The following FGF14 variants were observed in gnomAD, a reference collection of about 807,000 sequenced individuals.
The protein encoded by FGF14 is fibroblast growth factor homologous factor 4.
In FGF14, 5 loss-of-function variants were observed where a neutral mutation model predicts 25.5. The observed-to-expected ratio is 0.20, with a 90% CI of 0.10 to 0.41. The LOEUF (loss-of-function observed/expected upper bound fraction) is 0.41, where lower values mean the gene tolerates loss of function less well. Ranked by LOEUF, FGF14 falls within the 10% of genes least tolerant of loss-of-function variation. The pLI is 1.00. For missense variants in FGF14, 222 were observed against 320.1 expected (o/e 0.69, Z 2.34); for synonymous variants, 138 against 118.3 (o/e 1.17, Z -1.08).
intron 1 of FGF14, among the ~76,000 whole-genome samples, chr13:102,044,321 A>G (rs752254197): frequency 3.3e-5 from 5 of 151,898 alleles, no homozygotes; most frequent in Admixed American, 1.3e-4. Flanking sequence ...TTCCTTTCCT[A>G]TTGTTTCTCC....
At chr13:102,190,722 C>T (rs2049087360) in intron 1 of FGF14, among the ~76,000 whole-genome samples, 1 of 152,118 alleles carries the variant, frequency 6.6e-6, no homozygotes, top group South Asian at 2.1e-4. Flanking sequence ...TGCAAGAATG[C>T]TGCAGTGAAA....
chr13:101,907,613 GAGA>G (rs2032405075), intron 1 of FGF14, among the ~76,000 whole-genome samples: 1 of 152,170 alleles, frequency 6.6e-6, no homozygotes, highest in African/African-American at 2.4e-5. Flanking sequence ...GAGAGAATGG[GAGA>G]AGGATAGTTG....
At chr13:101,797,766 T>C (rs1272721898) in intron 3 of FGF14, among the ~76,000 whole-genome samples, 2 of 149,472 alleles carry the variant, frequency 1.3e-5, no homozygotes, top group African/African-American at 2.5e-5. Flanking sequence ...TGTGTGTGTG[T>C]GTGTGTGTGT....
At chr13:102,311,031 C>T (rs2055735630) in intron 1 of FGF14, among the ~76,000 whole-genome samples, 1 of 152,036 alleles carries the variant, frequency 6.6e-6, no homozygotes, top group South Asian at 2.1e-4. Flanking sequence ...TCAAAATTTA[C>T]ACACACATAC....
intron 1 of FGF14, among the ~76,000 whole-genome samples, chr13:101,940,068 T>C (rs1374092325): frequency 7.9e-5 from 12 of 152,220 alleles, no homozygotes; most frequent in African/African-American, 2.9e-4. Context: ...CTTGGCCAAG[T>C]CACCTCTCTG....
intron 1 of FGF14, among the ~76,000 whole-genome samples, chr13:101,940,532 G>A (rs1054551664): frequency 1.3e-5 from 2 of 152,096 alleles, no homozygotes; most frequent in African/African-American, 4.8e-5. Context: ...TTTTCTACTT[G>A]AACTACTTGA....
intron 1 of FGF14, among the ~76,000 whole-genome samples, chr13:102,123,920 C>T (rs573228292): frequency 2.0e-5 from 3 of 152,208 alleles, no homozygotes; most frequent in Admixed American, 6.5e-5. Context: ...GAAATACTGC[C>T]ATGCTTAAGA....
intron 1 of FGF14, among the ~76,000 whole-genome samples, chr13:102,208,382 T>A (rs1013932706): frequency 6.6e-6 from 1 of 152,204 alleles, no homozygotes; most frequent in African/African-American, 2.4e-5. Flanking sequence ...GGAGTCAAAG[T>A]ACACAGCATC....
At chr13:102,035,518 C>G (rs927714869) in intron 1 of FGF14, among the ~76,000 whole-genome samples, 8 of 152,088 alleles carry the variant, frequency 5.3e-5, no homozygotes, top group African/African-American at 1.7e-4. Flanking sequence ...CTACTGGTAC[C>G]ACTGGATGAC....
chr13:102,371,711 G>A (rs2057890548), intron 1 of FGF14, among the ~76,000 whole-genome samples: 2 of 152,116 alleles, frequency 1.3e-5, no homozygotes, highest in South Asian at 4.1e-4. Flanking sequence ...TAAATAAGAT[G>A]CTTACTTAAT....
chr13:101,747,743 A>G (rs2036981483), intron 3 of FGF14, among the ~76,000 whole-genome samples: 1 of 152,096 alleles, frequency 6.6e-6, no homozygotes, highest in African/African-American at 2.4e-5. Context: ...AAAGATTAAC[A>G]TGCAGAATCT....
intron 1 of FGF14, among the ~76,000 whole-genome samples, chr13:102,266,543 G>C (rs73569734): frequency 6.6e-6 from 1 of 151,970 alleles, no homozygotes; most frequent in Admixed American, 6.6e-5. Flanking sequence ...GATAAATACC[G>C]CATTTTATAA....
intron 1 of FGF14, among the ~76,000 whole-genome samples, chr13:102,025,446 T>C (rs1163679201): frequency 1.3e-5 from 2 of 152,050 alleles, no homozygotes; most frequent in Non-Finnish European, 2.9e-5. Context: ...GACAGATCCA[T>C]CACCCAGGCT....
At chr13:101,978,596 A>C (rs1297155352) in intron 1 of FGF14, among the ~76,000 whole-genome samples, 1 of 152,244 alleles carries the variant, frequency 6.6e-6, no homozygotes, top group African/African-American at 2.4e-5. Flanking sequence ...CTAAGCATTA[A>C]AATAGGATAA....
chr13:102,329,374 C>T (rs1288331732), intron 1 of FGF14, among the ~76,000 whole-genome samples: 1 of 152,132 alleles, frequency 6.6e-6, no homozygotes, highest in Admixed American at 6.6e-5. Flanking sequence ...TTGTTCTTTG[C>T]CAGATCTCTC....
At chr13:102,098,181 G>A (rs1286795050) in intron 1 of FGF14, among the ~76,000 whole-genome samples, 2 of 152,202 alleles carry the variant, frequency 1.3e-5, no homozygotes, top group African/African-American at 2.4e-5. Flanking sequence ...ATCACCATCA[G>A]CAACAAGAGT....
At chr13:102,156,357 C>T (rs1215111264) in intron 1 of FGF14, among the ~76,000 whole-genome samples, 12 of 152,136 alleles carry the variant, frequency 7.9e-5, no homozygotes, top group South Asian at 2.1e-4. Context: ...TGGTTCAACA[C>T]ACAAAAATCA....
chr13:101,863,187 C>A (rs994640793), intron 3 of FGF14, among the ~76,000 whole-genome samples: 12 of 151,984 alleles, frequency 7.9e-5, no homozygotes, highest in Non-Finnish European at 1.8e-4. Flanking sequence ...GATAAAGAAA[C>A]CAACCTGTTC....
At chr13:101,964,086 C>A (rs1184006006) in intron 1 of FGF14, among the ~76,000 whole-genome samples, 1 of 152,192 alleles carries the variant, frequency 6.6e-6, no homozygotes, top group Admixed American at 6.5e-5. Context: ...ACGATTTTCT[C>A]AGCAAGATCA....
Sources: gnomAD v4.1 joint callset for allele counts (sites outside exome capture counted in the v4.1 genomes callset) on GRCh38, gnomAD v4.1.1 for gene constraint, MANE v1.5 for transcripts, NCBI Gene and HGNC (gene_info 2026-07-23, HGNC 2026-07-21) for gene names.